MMP26: variants seen among roughly 807,000 people sequenced by gnomAD.
MMP26 encodes matrix metallopeptidase 26.
In MMP26, 33 loss-of-function variants were observed where a neutral mutation model predicts 31.0. That is an observed-to-expected ratio of 1.06 (90% CI 0.81 to 1.42). The LOEUF is 1.42. Among genes scored for constraint, MMP26 ranks in the 40% most tolerant of loss-of-function variants. The pLI, the probability that MMP26 is intolerant of heterozygous loss-of-function variation, is 0.00. For synonymous variants in MMP26, 122 were observed against 114.9 expected, an observed-to-expected ratio of 1.06 and a Z score of -0.40; for missense variants, 347 against 316.1, an observed-to-expected ratio of 1.10 and a Z score of -0.74.
At chr11:4,803,715 C>T in intron 2 of MMP26, 1 of 1,613,846 alleles carries the variant, frequency 6.2e-7, no homozygotes, top group Non-Finnish European at 8.5e-7. Context: ...TCAAAATCAT[C>T]ACGTATGACA....
chr11:4,821,664 T>G, intron 2 of MMP26: 1 of 1,614,126 alleles, frequency 6.2e-7, no homozygotes, highest in Non-Finnish European at 8.5e-7. Flanking sequence ...GTACACTTTC[T>G]ACTACCCTTG....
At chr11:4,822,913 A>G (rs887362215) in intron 2 of MMP26, among the ~76,000 whole-genome samples, 10 of 152,124 alleles carry the variant, frequency 6.6e-5, no homozygotes, top group African/African-American at 2.4e-4. Context: ...ACAAGATACC[A>G]TATTATGTGC....
At chr11:4,859,843 C>T (rs1212858999) in intron 2 of MMP26, 2 of 471,326 alleles carry the variant, frequency 4.2e-6, no homozygotes, top group Non-Finnish European at 8.8e-6. Context: ...GAGGCATGTG[C>T]TGAGGGTTTT....
chr11:4,981,344 G>A (rs1012351895), intron 2 of MMP26, among the ~76,000 whole-genome samples: 26 of 152,010 alleles, frequency 1.7e-4, no homozygotes, highest in African/African-American at 6.3e-4. Flanking sequence ...AAACCGAGAT[G>A]GCATAGCTAA....
chr11:4,821,845 C>T (rs745362434), intron 2 of MMP26: 161 of 1,613,258 alleles, frequency 1.0e-4, no homozygotes, highest in Non-Finnish European at 1.3e-4. Context: ...TACCAATGCC[C>T]GAATTGCCAA....
chr11:4,859,441 T>C (rs1276873412), intron 2 of MMP26, among the ~76,000 whole-genome samples: 3 of 152,188 alleles, frequency 2.0e-5, no homozygotes, highest in Admixed American at 6.5e-5. Flanking sequence ...TTCCAAAATA[T>C]AGTATATACA....
chr11:4,716,914 G>A (rs748218367), intron 1 of MMP26, among the ~76,000 whole-genome samples: 5 of 151,792 alleles, frequency 3.3e-5, no homozygotes, highest in African/African-American at 1.2e-4. Flanking sequence ...CACCTGCCTC[G>A]GCCTCCCAAA....
At chr11:4,756,278 T>C (rs1198942512) in intron 1 of MMP26, among the ~76,000 whole-genome samples, 2 of 151,840 alleles carry the variant, frequency 1.3e-5, no homozygotes, top group African/African-American at 4.8e-5. Context: ...AATAAAATAA[T>C]GAGAAAATTA....
chr11:4,897,517 T>G (rs1185140923), intron 2 of MMP26, among the ~76,000 whole-genome samples: 1 of 152,242 alleles, frequency 6.6e-6, no homozygotes, highest in Non-Finnish European at 1.5e-5. Context: ...TTTTTATGAC[T>G]ATCTTTGTCT....
chr11:4,876,555 C>G (rs1322687226), intron 2 of MMP26: 2 of 152,254 alleles, frequency 1.3e-5, no homozygotes, highest in East Asian at 3.9e-4. Flanking sequence ...CTCTATTCCA[C>G]CATGTCACCA....
intron 2 of MMP26, among the ~76,000 whole-genome samples, chr11:4,833,322 A>C (rs1463296493): frequency 6.6e-6 from 1 of 152,222 alleles, no homozygotes; most frequent in African/African-American, 2.4e-5. Flanking sequence ...GTGATTGATA[A>C]ATTCAATTCT....
At chr11:4,857,290 G>C (rs1181579127) in intron 2 of MMP26, among the ~76,000 whole-genome samples, 1 of 151,826 alleles carries the variant, frequency 6.6e-6, no homozygotes, top group Non-Finnish European at 1.5e-5. Flanking sequence ...ACCAGGAGCT[G>C]GTTTGTTAAA....
At chr11:4,852,526 T>C (rs2133501360) in intron 2 of MMP26, among the ~76,000 whole-genome samples, 1 of 152,240 alleles carries the variant, frequency 6.6e-6, no homozygotes, top group African/African-American at 2.4e-5. Flanking sequence ...TAAGCTTCCT[T>C]AAGTATTTAC....
chr11:4,799,891 T>A (rs1476067416), intron 2 of MMP26, among the ~76,000 whole-genome samples: 3 of 152,200 alleles, frequency 2.0e-5, no homozygotes, highest in Non-Finnish European at 4.4e-5. Flanking sequence ...CGCCCCTTAC[T>A]CCATGTCCTT....
At chr11:4,730,050 T>TA (rs1349797444) in intron 1 of MMP26, among the ~76,000 whole-genome samples, 1 of 151,696 alleles carries the variant, frequency 6.6e-6, no homozygotes, top group East Asian at 2.0e-4. Flanking sequence ...TTAAGCCCGC[T>TA]AAACTAATAC....
chr11:4,859,865 C>T (rs1172632540), intron 2 of MMP26: 1 of 471,206 alleles, frequency 2.1e-6, no homozygotes, highest in East Asian at 7.0e-5. Flanking sequence ...AGCCTTTCAC[C>T]TCTGGAGACA....
intron 2 of MMP26, among the ~76,000 whole-genome samples, chr11:4,864,318 G>C (rs2196122): frequency 0.14 from 21,985 of 152,162 alleles, 2,117 homozygotes; most frequent in East Asian, 0.34. Flanking sequence ...AGGAACAGCT[G>C]GTTACTCGAG....
chr11:4,801,296 C>T (rs952761105), intron 2 of MMP26, among the ~76,000 whole-genome samples: 2 of 152,126 alleles, frequency 1.3e-5, no homozygotes, highest in Admixed American at 6.5e-5. Flanking sequence ...CATTGCATCA[C>T]GATAAAAAAA....
Position 4,775,185 on chromosome 11 carries a change from G to A in MMP26, c.-145+7844G>A, listed in dbSNP as rs4910676. The stretch of plus-strand genomic sequence containing the variant: ...GAAGAATGTCAGTGGTAATTTATTG[G>A]GAATAGCATTGAATCTATAAATTAC... On this transcript the variant is annotated intron_variant, in intron 2 of 7. Coordinates refer to ENST00000380390, the MANE Select transcript of MMP26 (RefSeq NM_021801.5). Among the ~76,000 whole-genome samples, 66 of 152,144 alleles carry A rather than the reference G, an allele frequency of 4.3e-4. 3 individuals carry two copies. The highest frequency in any genetic ancestry group is 1.3e-3 in the African/African-American group (53 of 41,510).
Sources: allele counts gnomAD v4.1 joint callset (sites outside exome capture counted in the v4.1 genomes callset), GRCh38; gene constraint gnomAD v4.1.1; transcripts MANE v1.5; gene names NCBI Gene and HGNC (gene_info 2026-07-23, HGNC 2026-07-21).